Variants in FRAS1 observed in about 807,000 individuals in gnomAD.
FRAS1 encodes the protein extracellular matrix organizing protein FRAS1.
FRAS1 carries 290 observed loss-of-function variants against 435.2 expected under a neutral mutation model. That is an observed-to-expected ratio of 0.67 (90% CI 0.61 to 0.73). The LOEUF (loss-of-function observed/expected upper bound fraction) is 0.73. Ranked by LOEUF, FRAS1 falls within the 30% of genes least tolerant of loss-of-function variation. The pLI is 0.00. For synonymous variants in FRAS1, 1,800 were observed against 1,851.0 expected, an observed-to-expected ratio of 0.97 and a Z score of 0.71; for missense variants, 4,860 against 5,001.5, an observed-to-expected ratio of 0.97 and a Z score of 0.85.
In FRAS1 at chr4:78,448,238, A is replaced by G; in HGVS notation, c.6196A>G (p.Arg2066Gly). Residue 2066 changes from arginine (R) to glycine (G), a missense_variant, in exon 44 of 74, where the codon AGG becomes GGG. By Grantham distance (125) the Arg-to-Gly change is moderately radical (BLOSUM62 -2). Coordinates refer to ENST00000512123, the MANE Select transcript of FRAS1 (RefSeq NM_025074.7). Reference sequence around the variant, plus strand: ...TGATGGCCTCCACGTGGACACAGGGAGGATGAAGATCTACACAGAACTGCC... The same window carrying G: ...TGATGGCCTCCACGTGGACACAGGGGGGATGAAGATCTACACAGAACTGCC... The part of the protein sequence containing the change: ...LTDGLHVDTG[R>G]MKIYTELPAS... 6.2e-7 allele frequency: 1 copy of G among 1,607,754 alleles called. No homozygotes were observed. Among genetic ancestry groups the G allele is most frequent in the Non-Finnish European group, 8.5e-7 (1 of 1,177,068 alleles).
chr4:78,113,405 T>G (rs1293346627), intron 2 of FRAS1, among the ~76,000 whole-genome samples: 2 of 152,212 alleles, frequency 1.3e-5, no homozygotes, highest in Non-Finnish European at 2.9e-5. Flanking sequence ...ATCGTCACAC[T>G]GACTTCCACA....
intron 2 of FRAS1, among the ~76,000 whole-genome samples, chr4:78,153,571 T>G (rs1405479157): frequency 1.3e-5 from 2 of 152,174 alleles, no homozygotes; most frequent in Non-Finnish European, 2.9e-5. Flanking sequence ...TTAGAACATT[T>G]AGCACTTGAG....
chr4:78,433,646 G>T (rs1434723884), intron 38 of FRAS1, among the ~76,000 whole-genome samples: 1 of 152,052 alleles, frequency 6.6e-6, no homozygotes, highest in East Asian at 1.9e-4. Flanking sequence ...CTTCTCACGG[G>T]TCTATTCTAG....
intron 15 of FRAS1, among the ~76,000 whole-genome samples, chr4:78,315,371 C>T (rs1578247511): frequency 6.6e-6 from 1 of 152,092 alleles, no homozygotes; most frequent in African/African-American, 2.4e-5. Flanking sequence ...AGAGTTTTTG[C>T]TATGCTTAGT....
chr4:78,316,371 C>T (rs1231285691), intron 16 of FRAS1, among the ~76,000 whole-genome samples: 1 of 152,198 alleles, frequency 6.6e-6, no homozygotes, highest in African/African-American at 2.4e-5. Flanking sequence ...CATATGCCCA[C>T]ATCCTCACGT....
intron 2 of FRAS1, among the ~76,000 whole-genome samples, chr4:78,131,930 A>T (rs1003838648): frequency 1.3e-5 from 2 of 152,252 alleles, no homozygotes; most frequent in African/African-American, 2.4e-5. Flanking sequence ...GTAGTTGCTG[A>T]TAAGTAGGTA....
At chr4:78,363,142 C>T (rs1447812284) in intron 20 of FRAS1, among the ~76,000 whole-genome samples, 1 of 152,160 alleles carries the variant, frequency 6.6e-6, no homozygotes, top group Non-Finnish European at 1.5e-5. Flanking sequence ...TTGGGGGAAG[C>T]TGCACTCCAG....
In FRAS1 at chr4:78,479,379, G is replaced by A. The variant is rs1331865745; in HGVS notation, c.8104G>A (p.Ala2702Thr). ...LFAPIERKGD[A>T]SSIVSAICYT... ...TTTTGCCATTTGTATTTCAGGAGAT[G>A]CAAGCAGCATTGTATCTGCAATTTG... The change falls in exon 56 of 74, where the codon GCA (alanine) becomes ACA (threonine). Residue 2702 changes from alanine (A) to threonine (T), a missense_variant. Ala to Thr is a moderately conservative substitution (Grantham distance 58). Transcript: ENST00000512123. The A allele has an allele frequency of 1.4e-6, 2 of 1,470,606 alleles. No individual in the cohort carries two copies. The highest frequency in any genetic ancestry group is 1.6e-5 in the South Asian group (1 of 63,602). 91.1% of individuals were successfully genotyped at this position (1,470,606 alleles called of 1,614,324 possible).
Position 78,540,515 on chromosome 4 carries a change from G to T in FRAS1, c.11446-16G>T, listed in dbSNP as rs1722014536. 2 of 1,472,972 alleles carry T rather than the reference G, an allele frequency of 1.4e-6. No individual in the cohort carries two copies. Among genetic ancestry groups the T allele is most frequent in the Admixed American group, 2.4e-5 (1 of 42,412 alleles). The allele number at this position is 1,472,972 out of a possible 1,614,324, so 91.2% of individuals were successfully genotyped here. A position where few individuals can be genotyped will look rare whatever the true frequency, so the allele number is the denominator to read the frequency against. ...TCTGTGGGCAACAACAACATGTTCGGTTTGTCCCCCTGCAGGTGGAAGCAG... is the reference window on the plus strand; with the variant it reads ...TCTGTGGGCAACAACAACATGTTCGTTTTGTCCCCCTGCAGGTGGAAGCAG... On this transcript the variant is annotated splice_polypyrimidine_tract_variant and intron_variant, in intron 73 of 73. Transcript: ENST00000512123.
chr4:78,377,797 A>T (rs1184018993), intron 26 of FRAS1, among the ~76,000 whole-genome samples: 2 of 152,182 alleles, frequency 1.3e-5, no homozygotes, highest in African/African-American at 4.8e-5. Context: ...CGCTAGGATT[A>T]CCTGCTGAGT....
chr4:78,128,598 GTTGT>G (rs1271618496), intron 2 of FRAS1, among the ~76,000 whole-genome samples: 1 of 152,244 alleles, frequency 6.6e-6, no homozygotes, highest in Non-Finnish European at 1.5e-5. Flanking sequence ...TGTTGATGGG[GTTGT>G]TTGTTTTTTT....
At position 78,499,826 on chromosome 4, in the gene FRAS1, A is replaced by G; in HGVS notation, c.9221A>G (p.Asn3074Ser). The change falls in exon 61 of 74, where the codon AAC becomes AGC. Residue 3074 changes from asparagine to serine, a missense_variant. Asn to Ser is a conservative substitution (Grantham distance 46). Coordinates refer to ENST00000512123, the MANE Select transcript of FRAS1 (RefSeq NM_025074.7). Reference protein sequence around the residue: ...NIKVIRRGDQNRTSKVRCSTR... With the variant: ...NIKVIRRGDQSRTSKVRCSTR... Reference sequence around the variant, plus strand: ...AAGGTGATCCGCAGAGGGGATCAGAACAGGACCTCCAAGGTTCGCTGCAGC... The same window carrying G: ...AAGGTGATCCGCAGAGGGGATCAGAGCAGGACCTCCAAGGTTCGCTGCAGC... 6.2e-7 allele frequency: 1 copy of G among 1,613,836 alleles called. No homozygotes were observed. Among genetic ancestry groups the G allele is most frequent in the South Asian group, 1.1e-5 (1 of 91,064 alleles).
chr4:78,407,637 T>TA (rs1488277295), intron 30 of FRAS1, 26 bp from the exon 31 acceptor site: 2 of 1,569,684 alleles, frequency 1.3e-6, no homozygotes, highest in Non-Finnish European at 1.7e-6. Context: ...GGACCCTCAC[T>TA]AACTATGTGG....
At chr4:78,286,342 G>A in intron 13 of FRAS1, 63 bp from the exon 14 acceptor site, 5 of 1,592,902 alleles carry the variant, frequency 3.1e-6, no homozygotes, top group African/African-American at 1.3e-5. Flanking sequence ...ACTGGCATGG[G>A]GGTGGTGTCT....
chr4:78,507,388 C>T (rs1382801417), intron 61 of FRAS1, 33 bp from the exon 62 acceptor site: 3 of 1,579,180 alleles, frequency 1.9e-6, no homozygotes, highest in Non-Finnish European at 2.6e-6. Context: ...CTAATGAAGC[C>T]TTTGCTCTCT....
chr4:78,152,870 C>T (rs1720728647), intron 2 of FRAS1, among the ~76,000 whole-genome samples: 1 of 151,918 alleles, frequency 6.6e-6, no homozygotes, highest in Non-Finnish European at 1.5e-5. Context: ...TAAGCATTTC[C>T]CTGGAAAATC....
chr4:78,255,424 T>C, intron 6 of FRAS1, 49 bp downstream of exon 6: 1 of 1,513,910 alleles, frequency 6.6e-7, no homozygotes, highest in Non-Finnish European at 8.9e-7. Context: ...ATTGAAGAAC[T>C]TGGAGTCTCT....
chr4:78,148,822 CTG>C (rs949926557), intron 2 of FRAS1, among the ~76,000 whole-genome samples: 29 of 152,226 alleles, frequency 1.9e-4, no homozygotes, highest in African/African-American at 5.3e-4. Flanking sequence ...ATTATAGTGA[CTG>C]TGAATATACA....
chr4:78,155,118 A>C (rs1322327763), intron 2 of FRAS1, among the ~76,000 whole-genome samples: 3 of 152,202 alleles, frequency 2.0e-5, no homozygotes, highest in Non-Finnish European at 4.4e-5. Flanking sequence ...TTAAACTATA[A>C]AATTCTAGGC....
Sources: gnomAD v4.1 joint callset for allele counts (sites outside exome capture counted in the v4.1 genomes callset) on GRCh38, gnomAD v4.1.1 for gene constraint, MANE v1.5 for transcripts, NCBI Gene and HGNC (gene_info 2026-07-23, HGNC 2026-07-21) for gene names.